Variants in POLA1 observed in about 807,000 individuals in gnomAD.
The protein encoded by POLA1 is DNA polymerase alpha catalytic subunit.
In POLA1, 15 loss-of-function variants were observed where a neutral mutation model predicts 124.0. The ratio of observed to expected loss-of-function variants is 0.12; its 90% CI spans 0.08 to 0.19. POLA1 has a LOEUF of 0.19. POLA1 is among the 10% of genes least tolerant of loss of function. POLA1 has a pLI of 1.00. For missense variants in POLA1, 886 were observed against 1,103.4 expected (o/e 0.80, Z 2.79); for synonymous variants, 408 against 389.4 (o/e 1.05, Z -0.56).
In POLA1 at chrX:24,724,450, A is replaced by T. The variant is rs1930408168; in HGVS notation, c.1316A>T (p.Lys439Met). The change falls in exon 12 of 37, where the codon AAG becomes ATG. Residue 439 changes from lysine to methionine, a missense_variant and splice_region_variant. Lys to Met is a moderately conservative substitution (Grantham distance 95, BLOSUM62 -1). This residue lies in a region of POLA1 where 337 missense variants were observed against 402.8 expected (regional missense o/e 0.84). Coordinates refer to ENST00000379068, the MANE Select transcript of POLA1 (RefSeq NM_001330360.2). ...TKYKIMKFKS[K>M]PVEKNYAFEI... ...TATAAAATTATGAAGTTCAAGTCTA[A>T]GGTTTGTATTTGGCGATGATTTTTT... is the stretch of plus-strand genomic sequence containing the variant. 1.2e-6 allele frequency: 1 copy of T among 866,242 alleles called. No individual in the cohort carries two copies. Among genetic ancestry groups the T allele is most frequent in the Non-Finnish European group, 1.7e-6 (1 of 601,749 alleles). 71.4% of individuals were successfully genotyped at this position (866,242 alleles called of 1,213,427 possible).
chrX:24,866,356 A>G (rs1190093297), intron 34 of POLA1, among the ~76,000 whole-genome samples: 1 of 112,037 alleles, frequency 8.9e-6, no homozygotes, highest in African/African-American at 3.2e-5. Flanking sequence ...CCCATCAGCA[A>G]GAAGACCTTT....
intron 26 of POLA1, among the ~76,000 whole-genome samples, chrX:24,778,879 T>C (rs780372504): frequency 8.9e-6 from 1 of 111,742 alleles, no homozygotes; most frequent in South Asian, 3.8e-4. Flanking sequence ...TGTTACTCCA[T>C]ACTGAGCATG....
At chrX:24,790,086 A>C (rs1431372102) in intron 26 of POLA1, among the ~76,000 whole-genome samples, 1 of 112,208 alleles carries the variant, frequency 8.9e-6, no homozygotes, top group Non-Finnish European at 1.9e-5. Flanking sequence ...TATTTCTCAG[A>C]ATCTAAAGGT....
At chrX:24,972,433 T>C (rs1426561131) in intron 36 of POLA1, among the ~76,000 whole-genome samples, 1 of 112,022 alleles carries the variant, frequency 8.9e-6, no homozygotes, top group Non-Finnish European at 1.9e-5. Context: ...CTGATCTGTT[T>C]GGACCACCAC....
At chrX:24,953,142 G>A (rs1459635940) in intron 36 of POLA1, among the ~76,000 whole-genome samples, 8 of 111,653 alleles carry the variant, frequency 7.2e-5, no homozygotes, top group Admixed American at 2.9e-4. Flanking sequence ...GTGCAGACAC[G>A]CATTTGAAAC....
Position 24,810,737 on chromosome X carries a change from A to C in POLA1, c.3027A>C (p.Thr1009=), listed in dbSNP as rs1350907032. Residue 1009 remains threonine (T), a synonymous_variant, in exon 28 of 37, where the codon ACA becomes ACC. Transcript: ENST00000379068. ...KMNLEVIYGD[T]DSIMINTNST... ...ATCTTGAAGTTATTTATGGAGATAC[A>C]GATTCAATTATGATAAACACCAATA... is the stretch of plus-strand genomic sequence containing the variant. 3 of 1,079,942 alleles carry C rather than the reference A, an allele frequency of 2.8e-6. No homozygotes were observed. The highest frequency in any genetic ancestry group is 2.5e-6 in the Non-Finnish European group (2 of 787,356). 89.0% of individuals were successfully genotyped at this position (1,079,942 alleles called of 1,213,427 possible).
chrX:24,938,026 C>T (rs995886184), intron 36 of POLA1, among the ~76,000 whole-genome samples: 5 of 112,547 alleles, frequency 4.4e-5, no homozygotes, highest in Admixed American at 9.4e-5. Flanking sequence ...ATGAGTTCTT[C>T]CACTTTGTTT....
intron 34 of POLA1, among the ~76,000 whole-genome samples, chrX:24,887,502 ACT>A (rs1240223247): frequency 8.9e-6 from 1 of 112,285 alleles, no homozygotes; most frequent in African/African-American, 3.2e-5. Flanking sequence ...AATCCTAGAC[ACT>A]CTAAATGTGT....
intron 36 of POLA1, among the ~76,000 whole-genome samples, chrX:24,955,616 C>T (rs1053858030): frequency 1.8e-5 from 2 of 112,274 alleles, no homozygotes; most frequent in South Asian, 3.7e-4. Context: ...TTGCATTAGG[C>T]AGTCCCCATT....
chrX:24,856,151 A>C (rs1601809034), intron 34 of POLA1, among the ~76,000 whole-genome samples: 2 of 111,594 alleles, frequency 1.8e-5, no homozygotes, highest in African/African-American at 3.3e-5. Flanking sequence ...AAAAACCCTA[A>C]AAACTCCCAA....
rs566578689 is a variant in POLA1 at position 24,700,381 on chromosome X, C to T, written c.168+832C>T. Among the ~76,000 whole-genome samples the T allele has an allele frequency of 2.7e-5, 3 of 111,611 alleles. No individual in the cohort carries two copies. The Admixed American group carries it at 2.9e-4, about 11-fold the overall frequency. On this transcript the variant is annotated intron_variant, in intron 2 of 36. Transcript: ENST00000379068. ...TTTTTGAACCCAGACAGTCTGGCTT[C>T]AGAATATTTCTGTTTAACCAGTTAA...
At chrX:24,962,047 T>C (rs1446289672) in intron 36 of POLA1, among the ~76,000 whole-genome samples, 1 of 111,978 alleles carries the variant, frequency 8.9e-6, no homozygotes, top group Admixed American at 9.5e-5. Flanking sequence ...ATGTAATCTT[T>C]ATGTTTTTAC....
At chrX:24,908,308 T>C (rs765625805) in intron 35 of POLA1, among the ~76,000 whole-genome samples, 18 of 110,033 alleles carry the variant, frequency 1.6e-4, no homozygotes, top group Non-Finnish European at 3.4e-4. Flanking sequence ...TACATATGTA[T>C]ACATGTGCCA....
intron 36 of POLA1, among the ~76,000 whole-genome samples, chrX:24,969,462 A>G (rs1014818739): frequency 3.6e-5 from 4 of 110,485 alleles, no homozygotes; most frequent in Non-Finnish European, 7.6e-5. Context: ...ATGCAATTGT[A>G]TACCTGGAAC....
intron 35 of POLA1, among the ~76,000 whole-genome samples, chrX:24,903,217 A>T (rs1321293650): frequency 8.8e-6 from 1 of 113,006 alleles, no homozygotes; most frequent in Non-Finnish European, 1.9e-5. Context: ...CTGTTCCGTG[A>T]TATATCAATG....
chrX:24,749,140 G>T, intron 26 of POLA1, 148 bp downstream of exon 26: 1 of 452,917 alleles, frequency 2.2e-6, no homozygotes. Context: ...GAGACAAATA[G>T]GCATTTAAAT....
chrX:24,985,723 C>T (rs1465682024), intron 36 of POLA1, among the ~76,000 whole-genome samples: 2 of 112,257 alleles, frequency 1.8e-5, no homozygotes, highest in African/African-American at 6.5e-5. Context: ...TTCAGATTTT[C>T]GGATGTTCAG....
intron 36 of POLA1, among the ~76,000 whole-genome samples, chrX:24,963,715 A>G (rs894467341): frequency 9.0e-6 from 1 of 111,446 alleles, no homozygotes; most frequent in Non-Finnish European, 1.9e-5. Context: ...ATAATACAGA[A>G]CTCTTATTTG....
intron 15 of POLA1, among the ~76,000 whole-genome samples, chrX:24,729,465 A>C: frequency 8.9e-6 from 1 of 112,211 alleles, no homozygotes; most frequent in East Asian, 2.8e-4. Flanking sequence ...AGAAGTCGTA[A>C]AATGGTGATT....
Sources: gnomAD v4.1 joint callset for allele counts (sites outside exome capture counted in the v4.1 genomes callset) on GRCh38, gnomAD v4.1.1 for gene constraint, gnomAD v4.1.1 regional missense constraint, MANE v1.5 for transcripts, NCBI Gene and HGNC (gene_info 2026-07-23, HGNC 2026-07-21) for gene names.